The following BAHCC1 variants were observed in gnomAD, a reference collection of about 807,000 sequenced individuals.
The protein encoded by BAHCC1 is BAH domain and coiled-coil containing 1.
Under a neutral mutation model 88.2 loss-of-function variants are expected in BAHCC1, and 43 were observed. The observed-to-expected ratio is 0.49, with a 90% CI of 0.38 to 0.63. The LOEUF is 0.63. BAHCC1 is among the 20% of genes least tolerant of loss of function. BAHCC1 has a pLI of 0.00. For missense variants in BAHCC1, 3,023 were observed against 1,654.8 expected, an observed-to-expected ratio of 1.83 and a Z score of -14.34; for synonymous variants, 1,510 against 745.5, an observed-to-expected ratio of 2.03 and a Z score of -16.71.
At chr17:81,404,326 C>A (rs541245012) in intron 2 of BAHCC1, among the ~76,000 whole-genome samples, 1 of 152,334 alleles carries the variant, frequency 6.6e-6, no homozygotes, top group East Asian at 1.9e-4. Context: ...CTTACGGGAA[C>A]TTGGTTCAAG....
At chr17:81,414,156 C>T (rs781923014) in intron 2 of BAHCC1, among the ~76,000 whole-genome samples, 5 of 152,240 alleles carry the variant, frequency 3.3e-5, no homozygotes, top group African/African-American at 9.6e-5. Flanking sequence ...CAGGACCAGC[C>T]GTGGCCCCCT....
intron 3 of BAHCC1, among the ~76,000 whole-genome samples, chr17:81,437,973 C>T (rs1018528834): frequency 2.0e-5 from 3 of 152,242 alleles, no homozygotes; most frequent in African/African-American, 7.2e-5. Context: ...GAGGCCAAGT[C>T]CGGGCCTGGT....
chr17:81,452,100 G>A lies in BAHCC1; in HGVS notation c.4309G>A (p.Asp1437Asn), dbSNP rs891572691. ...RELARLQRKH[D>N]HERDESSRSP... ...GCTGGCCCGCCTGCAGCGCAAGCAC[G>A]ACCATGAGTACGCCTGGCGTGGCGG... Residue 1437 changes from aspartate (D) to asparagine (N), a missense_variant, in exon 13 of 28, where the codon GAC becomes AAC. By Grantham distance (23) the Asp-to-Asn change is conservative. Coordinates refer to ENST00000675386, the MANE Select transcript of BAHCC1 (RefSeq NM_001377448.1). 2 of 632,200 alleles carry A rather than the reference G, an allele frequency of 3.2e-6. No individual in the cohort carries two copies. Among genetic ancestry groups the A allele is most frequent in the Admixed American group, 2.6e-5 (1 of 38,652 alleles). The allele number at this position is 632,200 out of a possible 1,614,324, so 39.2% of individuals were successfully genotyped here.
intron 3 of BAHCC1, among the ~76,000 whole-genome samples, chr17:81,427,296 G>A (rs1015345751): frequency 2.6e-5 from 4 of 152,268 alleles, no homozygotes; most frequent in African/African-American, 4.8e-5. Context: ...TGGGCCGGCC[G>A]GGCTGGGCTC....
intron 3 of BAHCC1, among the ~76,000 whole-genome samples, chr17:81,436,552 A>G (rs1555651775): frequency 6.7e-6 from 1 of 149,884 alleles, no homozygotes; most frequent in East Asian, 2.0e-4. Flanking sequence ...GTTTAACAGT[A>G]CCCCCCAAGG....
At chr17:81,448,300 G>T (rs1312296409) in intron 11 of BAHCC1, among the ~76,000 whole-genome samples, 1 of 152,168 alleles carries the variant, frequency 6.6e-6, no homozygotes, top group East Asian at 1.9e-4. Context: ...AGGGGAGGGG[G>T]CAGGAGGCTG....
chr17:81,399,790 G>A lies in BAHCC1; in HGVS notation c.51G>A (p.Gly17=). ...APPPHLLSER[G]SLGHRSAAAA... ...CGCCGCATCTGCTGTCGGAGCGCGGGAGCCTGGGCCACCGCAGCGCCGCTG... is the reference window on the plus strand; with the variant it reads ...CGCCGCATCTGCTGTCGGAGCGCGGAAGCCTGGGCCACCGCAGCGCCGCTG... The change falls in exon 2 of 28, where the codon GGG becomes GGA. Residue 17 remains glycine (G), a synonymous_variant. Transcript: ENST00000675386. The surrounding 1 kb of genome is among the most constrained non-coding windows in gnomAD (Gnocchi z 4.5). 1 of 1,255,716 alleles carries A rather than the reference G, an allele frequency of 8.0e-7. No homozygotes were observed. The highest frequency in any genetic ancestry group is 3.1e-4 in the Middle Eastern group (1 of 3,218). The allele number at this position is 1,255,716 out of a possible 1,614,324, so 77.8% of individuals were successfully genotyped here.
rs1483896333 is a variant in BAHCC1, at chr17:81,435,444, C to T, written c.359-2926C>T. On this transcript the variant is annotated intron_variant, in intron 3 of 27. Coordinates refer to ENST00000675386, the MANE Select transcript of BAHCC1 (RefSeq NM_001377448.1). The surrounding 1 kb of genome is among the most constrained non-coding windows in gnomAD (Gnocchi z 4.4). ...CTCTTCCCCACGCTCCACCAGGCTCCGAGGGCACCAGCAGCCTGTGTCCTG... is the reference window on the plus strand; with the variant it reads ...CTCTTCCCCACGCTCCACCAGGCTCTGAGGGCACCAGCAGCCTGTGTCCTG... 2 of 470,472 alleles carry T rather than the reference C, an allele frequency of 4.3e-6. No homozygotes were observed. The highest frequency in any genetic ancestry group is 6.9e-5 in the East Asian group (1 of 14,414). 29.1% of individuals were successfully genotyped at this position (470,472 alleles called of 1,614,324 possible).
At chr17:81,428,199 G>A (rs2051649323) in intron 3 of BAHCC1, among the ~76,000 whole-genome samples, 3 of 152,194 alleles carry the variant, frequency 2.0e-5, no homozygotes, top group Non-Finnish European at 4.4e-5. Context: ...CTGGAGGGGA[G>A]ACCAGGCTGG....
At position 81,441,941 on chromosome 17, in the gene BAHCC1, C is replaced by A. The variant is rs782704662; in HGVS notation, c.592C>A (p.Arg198=). Residue 198 remains arginine, a synonymous_variant, in exon 5 of 28, where the codon CGG becomes AGG. Coordinates refer to ENST00000675386, the MANE Select transcript of BAHCC1 (RefSeq NM_001377448.1). ...APAHPMGSCS[R]DRDRGEAGSL... Reference sequence around the variant, plus strand: ...TGCCCACCCCATGGGCTCCTGCAGCCGGGATCGAGACCGGGGTGAGGCAGG... The same window carrying A: ...TGCCCACCCCATGGGCTCCTGCAGCAGGGATCGAGACCGGGGTGAGGCAGG... The A allele has an allele frequency of 2.7e-6, 2 of 740,616 alleles. No individual in the cohort carries two copies. Among genetic ancestry groups the A allele is most frequent in the South Asian group, 2.8e-5 (2 of 71,488 alleles). 45.9% of individuals were successfully genotyped at this position (740,616 alleles called of 1,614,324 possible).
At position 81,464,828 on chromosome 17, in the gene BAHCC1, C is replaced by T. The variant is rs2030591706; in HGVS notation, c.*1011C>T. 6.6e-6 allele frequency: 1 copy of T among 152,424 alleles called. No homozygotes were observed. The highest frequency in any genetic ancestry group is 2.4e-5 in the African/African-American group (1 of 41,434). 9.4% of individuals were successfully genotyped at this position (152,424 alleles called of 1,614,324 possible). Reference sequence around the variant, plus strand: ...GGGGCTGGCCCCTCGCCCCCCTCACCCTCGCCGCCCTGGCACACTCGGGAA... The same window carrying T: ...GGGGCTGGCCCCTCGCCCCCCTCACTCTCGCCGCCCTGGCACACTCGGGAA... On this transcript the variant is annotated 3_prime_UTR_variant, in exon 28 of 28. Transcript: ENST00000675386.
chr17:81,407,061 G>A, intron 2 of BAHCC1: 1 of 446,434 alleles, frequency 2.2e-6, no homozygotes, highest in South Asian at 1.6e-5. Flanking sequence ...TTGAGATGCG[G>A]GGACTCTGAG....
At chr17:81,396,847 G>T in intron 1 of BAHCC1, 1 of 152,646 alleles carries the variant, frequency 6.6e-6, no homozygotes. Flanking sequence ...GCGATTCTCC[G>T]CCCGCCCGGG....
chr17:81,443,638 G>A (rs1191203035), intron 5 of BAHCC1, 74 bp downstream of exon 5: 11 of 621,870 alleles, frequency 1.8e-5, no homozygotes, highest in Admixed American at 7.7e-5. Context: ...CCTGCGCCCC[G>A]GCTCCCCAGC....
In BAHCC1 at chr17:81,459,076, G is replaced by A. The variant is rs782727646; in HGVS notation, c.5628G>A (p.Lys1876=). The part of the protein sequence containing the change: ...AALARSCAIH[K]EDLRDGLPVL... ...CAGCGCGCTCGTGTGCCATCCACAA[G>A]GAGGACCTGCGGGACGGGCTGCCCG... The change falls in exon 21 of 28, where the codon AAG becomes AAA. Residue 1876 remains lysine (K), a synonymous_variant. Transcript: ENST00000675386. The A allele has an allele frequency of 1.3e-6, 1 of 768,518 alleles. No homozygotes were observed. Among genetic ancestry groups the A allele is most frequent in the East Asian group, 2.5e-5 (1 of 40,662 alleles). 47.6% of individuals were successfully genotyped at this position (768,518 alleles called of 1,614,324 possible). A position where few individuals can be genotyped will look rare whatever the true frequency, so the allele number is the denominator to read the frequency against.
In BAHCC1 at chr17:81,403,408, C is replaced by G. The variant is rs1264741648; in HGVS notation, c.178+3491C>G. 2.6e-5 allele frequency among the ~76,000 whole-genome samples: 4 copies of G among 151,668 alleles called. No homozygotes were observed. In the East Asian group the frequency reaches 5.8e-4, roughly 22 times the overall value. On this transcript the variant is annotated intron_variant, in intron 2 of 27. Coordinates refer to ENST00000675386, the MANE Select transcript of BAHCC1 (RefSeq NM_001377448.1). ...GCCTGGGGTTATTGTGGGAGAAAGGCGAAGGCTCCTTCTGGTGGGAGAACT... is the reference window on the plus strand; with the variant it reads ...GCCTGGGGTTATTGTGGGAGAAAGGGGAAGGCTCCTTCTGGTGGGAGAACT...
At chr17:81,423,418 G>T (rs1424214712) in intron 2 of BAHCC1, among the ~76,000 whole-genome samples, 2 of 152,184 alleles carry the variant, frequency 1.3e-5, no homozygotes, top group African/African-American at 2.4e-5. Flanking sequence ...GCCAAGCCAG[G>T]CTGGATGAGG....
rs2064767228 is a variant in BAHCC1 at position 81,457,302 on chromosome 17, C to T, written c.4859-108C>T. ...CGGCCCAGAGGGTGACGGTGACCAG[C>T]TCCACTCACAGCCCCGCCATAACCG... On this transcript the variant is annotated intron_variant, in intron 16 of 27. Coordinates refer to ENST00000675386, the MANE Select transcript of BAHCC1 (RefSeq NM_001377448.1). 6 of 655,374 alleles carry T rather than the reference C, an allele frequency of 9.2e-6. No individual in the cohort carries two copies. The Admixed American group carries it at 1.1e-4, about 12-fold the overall frequency. The allele number at this position is 655,374 out of a possible 1,614,324, so 40.6% of individuals were successfully genotyped here.
At chr17:81,429,775 C>G (rs1193309758) in intron 3 of BAHCC1, among the ~76,000 whole-genome samples, 1 of 152,172 alleles carries the variant, frequency 6.6e-6, no homozygotes, top group Non-Finnish European at 1.5e-5. Context: ...CCAGGGCTTT[C>G]GTTGAGGGTA....
Sources: gnomAD v4.1 joint callset for allele counts (sites outside exome capture counted in the v4.1 genomes callset) on GRCh38, gnomAD v4.1.1 for gene constraint, Gnocchi (gnomAD v3.1) non-coding constraint, MANE v1.5 for transcripts, NCBI Gene and HGNC (gene_info 2026-07-23, HGNC 2026-07-21) for gene names.